The following ZP2 variants were observed in gnomAD, a reference collection of about 807,000 sequenced individuals.
ZP2 encodes zona pellucida glycoprotein 2.
Under a neutral mutation model 84.0 loss-of-function variants are expected in ZP2, and 51 were observed. The observed-to-expected ratio is 0.61, with a 90% CI of 0.49 to 0.77. ZP2 has a LOEUF of 0.77. Ranked by LOEUF, ZP2 falls within the 30% of genes least tolerant of loss-of-function variation. The pLI, the probability that ZP2 is intolerant of heterozygous loss-of-function variation, is 0.00. For missense variants in ZP2, 909 were observed against 911.9 expected, an observed-to-expected ratio of 1.00 and a Z score of 0.04; for synonymous variants, 375 against 330.9, an observed-to-expected ratio of 1.13 and a Z score of -1.45.
chr16:21,202,809 TG>T (rs551281315), intron 10 of ZP2, among the ~76,000 whole-genome samples: 14 of 151,100 alleles, frequency 9.3e-5, no homozygotes, highest in Admixed American at 2.0e-4. Context: ...AATTTTGGGG[TG>T]GGGGGGTACT....
chr16:21,211,387 C>CA lies in ZP2; in HGVS notation c.70_71insT (p.Arg24MetfsTer34). On this transcript the variant is annotated frameshift_variant, in exon 2 of 19. Transcript: ENST00000574091. LOFTEE classifies it high-confidence loss of function. ...AAGGGCGAAGAAGAGAGAAATCGACCTGTAGGTGCTGGAAAGAGACAGGGA... is the reference window on the plus strand; with the variant it reads ...AAGGGCGAAGAAGAGAGAAATCGACCATGTAGGTGCTGGAAAGAGACAGGGA... 1 of 1,614,134 alleles carries CA rather than the reference C, an allele frequency of 6.2e-7. No individual in the cohort carries two copies. The highest frequency in any genetic ancestry group is 8.5e-7 in the Non-Finnish European group (1 of 1,180,022).
chr16:21,199,257 G>A (rs2093213648), intron 16 of ZP2, among the ~76,000 whole-genome samples: 1 of 143,724 alleles, frequency 7.0e-6, no homozygotes, highest in East Asian at 2.1e-4. Flanking sequence ...AACCCTGGAG[G>A]TGGAATGAGC....
At chr16:21,209,221 C>G (rs1182250046) in intron 4 of ZP2, among the ~76,000 whole-genome samples, 1 of 152,132 alleles carries the variant, frequency 6.6e-6, no homozygotes, top group Non-Finnish European at 1.5e-5. Context: ...GGCTGGAGGG[C>G]AATGGAGCAA....
At position 21,204,019 on chromosome 16, in the gene ZP2, A is replaced by G. The variant is rs765386299; in HGVS notation, c.972+11T>C. 6.2e-6 allele frequency: 10 copies of G among 1,611,604 alleles called. No individual in the cohort carries two copies. Among genetic ancestry groups the G allele is most frequent in the Non-Finnish European group, 8.5e-6 (10 of 1,179,996 alleles). ...ACCCGGTGGAGTTCAGTGGTTGACA[A>G]TTGAACATACTTTCGTTTTGAGCAG... On this transcript the variant is annotated intron_variant, in intron 9 of 18. Transcript: ENST00000574091.
chr16:21,211,460 C>A, intron 1 of ZP2, 26 bp downstream of exon 1: 1 of 1,614,048 alleles, frequency 6.2e-7, no homozygotes, highest in Non-Finnish European at 8.5e-7. Flanking sequence ...ACCATACCCC[C>A]TCCCTCCACT....
chr16:21,208,268 C>A (rs1207576600), intron 4 of ZP2, among the ~76,000 whole-genome samples: 2 of 152,098 alleles, frequency 1.3e-5, no homozygotes, highest in Non-Finnish European at 2.9e-5. Flanking sequence ...GCTTGCAGAC[C>A]CTTAGTCTAA....
At chr16:21,210,853 G>C (rs1182233115) in intron 2 of ZP2, among the ~76,000 whole-genome samples, 2 of 151,492 alleles carry the variant, frequency 1.3e-5, no homozygotes, top group Non-Finnish European at 2.9e-5. Context: ...GGGATTACAG[G>C]CGTGAGCCCC....
chr16:21,200,276 A>G (rs1229063030), intron 14 of ZP2, among the ~76,000 whole-genome samples: 3 of 152,096 alleles, frequency 2.0e-5, no homozygotes, highest in African/African-American at 4.8e-5. Flanking sequence ...CGTTTCTACT[A>G]AAGATATAAA....
At chr16:21,210,259 A>G in intron 2 of ZP2, 67 bp from the exon 3 acceptor site, 4 of 1,262,316 alleles carry the variant, frequency 3.2e-6, no homozygotes, top group South Asian at 2.4e-5. Context: ...AAAAGTGTAT[A>G]GACTCCTCTC....
Position 21,208,347 on chromosome 16 carries a change from T to A in ZP2, c.330+1284A>T, listed in dbSNP as rs940663547. ...TAGAAGGAAATTATCAGGTTTTTCA[T>A]GAAGGACCTATGATTACTTCATTGA... On this transcript the variant is annotated intron_variant, in intron 4 of 18. Coordinates refer to ENST00000574091, the MANE Select transcript of ZP2 (RefSeq NM_001376232.1). 1.4e-4 allele frequency among the ~76,000 whole-genome samples: 22 copies of A among 152,340 alleles called. 1 individual carries two copies. The South Asian group carries it at 4.4e-3, about 30-fold the overall frequency.
chr16:21,212,797 C>G (rs1368117007), upstream of ZP2, among the ~76,000 whole-genome samples: 1 of 152,044 alleles, frequency 6.6e-6, no homozygotes, highest in African/African-American at 2.4e-5. Flanking sequence ...GGAAGTTTCC[C>G]AGTGGGGAAA....
In ZP2 at chr16:21,197,466, AT is replaced by A; in HGVS notation, c.*13del. The A allele has an allele frequency of 6.2e-7, 1 of 1,613,946 alleles. No homozygotes were observed. Among genetic ancestry groups the A allele is most frequent in the South Asian group, 1.1e-5 (1 of 91,066 alleles). On this transcript the variant is annotated 3_prime_UTR_variant, in exon 19 of 19. Transcript: ENST00000574091. The stretch of plus-strand genomic sequence containing the variant: ...GCAAGAGGCTTATTTTGACTGCTTT[AT>A]TTAGAAGCCCATTTAGTGATTTGAC...
intron 3 of ZP2, 134 bp from the exon 4 acceptor site, chr16:21,209,859 A>T: frequency 1.2e-6 from 1 of 807,328 alleles, no homozygotes. Context: ...TCAGTGATAG[A>T]ACTTGAGCTT....
intron 5 of ZP2, chr16:21,206,047 G>C: frequency 2.1e-6 from 1 of 465,214 alleles, no homozygotes; most frequent in South Asian, 2.3e-5. Context: ...GCCCAGGCTG[G>C]AGTGCAATGG....
intron 18 of ZP2, 50 bp from the exon 19 acceptor site, chr16:21,197,672 A>G (rs759145896): frequency 6.2e-7 from 1 of 1,613,054 alleles, no homozygotes; most frequent in Non-Finnish European, 8.5e-7. Context: ...AATAAGGGTA[A>G]GTGGAAGCCT....
Position 21,201,917 on chromosome 16 carries a change from G to A in ZP2, c.1379+15C>T. ...TAAACTAGAGCTTAAGAGTCAAATA[G>A]CAATTTTATCTCACCTGAACTCACT... On this transcript the variant is annotated intron_variant, in intron 12 of 18. Transcript: ENST00000574091. 3 of 1,612,996 alleles carry A rather than the reference G, an allele frequency of 1.9e-6. No individual in the cohort carries two copies. The South Asian group carries it at 3.3e-5, about 18-fold the overall frequency.
At chr16:21,203,445 A>G (rs1222537223) in intron 9 of ZP2, among the ~76,000 whole-genome samples, 194 bp from the exon 10 acceptor site, 1 of 152,182 alleles carries the variant, frequency 6.6e-6, no homozygotes, top group Non-Finnish European at 1.5e-5. Context: ...TTATTGCTTT[A>G]AACTCATGCC....
intron 14 of ZP2, 80 bp from the exon 15 acceptor site, chr16:21,199,958 AC>A: frequency 6.4e-7 from 1 of 1,559,136 alleles, no homozygotes; most frequent in Non-Finnish European, 8.8e-7. Flanking sequence ...ATTTAGTCAT[AC>A]GTAATATCTT....
intron 14 of ZP2, 126 bp downstream of exon 14, chr16:21,201,243 A>G (rs546018617): frequency 1.2e-6 from 1 of 844,408 alleles, no homozygotes; most frequent in South Asian, 3.6e-5. Context: ...TCCCAATTAG[A>G]AAACAAGGAC....
Sources: allele counts gnomAD v4.1 joint callset (sites outside exome capture counted in the v4.1 genomes callset), GRCh38; gene constraint gnomAD v4.1.1; transcripts MANE v1.5; gene names NCBI Gene and HGNC (gene_info 2026-07-23, HGNC 2026-07-21).